The following AKAP13 variants were observed in gnomAD, a reference collection of about 807,000 sequenced individuals.
AKAP13 encodes the protein A-kinase anchor protein 13.
AKAP13 carries 80 observed loss-of-function variants against 264.5 expected under a neutral mutation model. The ratio of observed to expected loss-of-function variants is 0.30; its 90% CI spans 0.25 to 0.36. AKAP13 has a LOEUF of 0.36. Among genes scored for constraint, AKAP13 ranks in the 10% least tolerant of loss-of-function variants. AKAP13 has a pLI of 1.00. For missense variants in AKAP13, 3,712 were observed against 3,435.2 expected, an observed-to-expected ratio of 1.08 and a Z score of -2.01; for synonymous variants, 1,380 against 1,250.2, an observed-to-expected ratio of 1.10 and a Z score of -2.19.
At chr15:85,555,381 G>A (rs1051664346) in intron 5 of AKAP13, 10 of 1,253,326 alleles carry the variant, frequency 8.0e-6, no homozygotes, top group East Asian at 5.6e-5. Context: ...AGCGAAACAC[G>A]CCTTTAGGAG....
chr15:85,593,529 G>A (rs1283413869), intron 8 of AKAP13, among the ~76,000 whole-genome samples: 2 of 120,808 alleles, frequency 1.7e-5, no homozygotes, highest in East Asian at 4.1e-4. Flanking sequence ...CACCATGTGG[G>A]AATTTTTTTT....
chr15:85,600,711 C>T (rs2080022288), intron 8 of AKAP13, among the ~76,000 whole-genome samples: 1 of 152,184 alleles, frequency 6.6e-6, no homozygotes, highest in South Asian at 2.1e-4. Flanking sequence ...ATATATTCCC[C>T]TACCCAGCCC....
chr15:85,547,890 C>T (rs996757991), intron 5 of AKAP13, among the ~76,000 whole-genome samples: 4 of 152,160 alleles, frequency 2.6e-5, no homozygotes, highest in Non-Finnish European at 5.9e-5. Flanking sequence ...TTTAGTTGGA[C>T]AATCATCTCC....
intron 1 of AKAP13, among the ~76,000 whole-genome samples, chr15:85,448,694 C>T (rs953298737): frequency 1.3e-5 from 2 of 152,028 alleles, no homozygotes; most frequent in African/African-American, 4.8e-5. Context: ...GACCTTATTT[C>T]TGGGCTCTCT....
chr15:85,686,562 A>G (rs1366012131), intron 16 of AKAP13, among the ~76,000 whole-genome samples: 1 of 152,082 alleles, frequency 6.6e-6, no homozygotes, highest in Non-Finnish European at 1.5e-5. Flanking sequence ...TATTTCTAGC[A>G]TAATCACACA....
chr15:85,509,337 A>G (rs2076342088), intron 2 of AKAP13, among the ~76,000 whole-genome samples: 1 of 152,190 alleles, frequency 6.6e-6, no homozygotes, highest in East Asian at 1.9e-4. Context: ...GCTAAATAAT[A>G]TTAAAGATTT....
At chr15:85,534,805 A>G (rs1038827323) in intron 4 of AKAP13, 11 of 152,156 alleles carry the variant, frequency 7.2e-5, no homozygotes, top group African/African-American at 2.7e-4. Flanking sequence ...TTTCCCACAT[A>G]ATTCTAGTAG....
intron 1 of AKAP13, among the ~76,000 whole-genome samples, chr15:85,458,179 T>A (rs1051246359): frequency 6.6e-6 from 1 of 151,760 alleles, no homozygotes; most frequent in African/African-American, 2.4e-5. Context: ...CTTTTAATTA[T>A]CCCTTAAAAA....
intron 5 of AKAP13, among the ~76,000 whole-genome samples, chr15:85,563,435 C>T (rs1475025756): frequency 1.4e-5 from 2 of 142,190 alleles, no homozygotes; most frequent in East Asian, 4.3e-4. Context: ...TTCTGTTGAT[C>T]AATGTAGCAG....
At chr15:85,651,209 C>T (rs1243283183) in intron 10 of AKAP13, among the ~76,000 whole-genome samples, 1 of 152,148 alleles carries the variant, frequency 6.6e-6, no homozygotes, top group Non-Finnish European at 1.5e-5. Context: ...TTTTTCCCAA[C>T]ATTTTATTAA....
At chr15:85,572,036 A>G (rs994407823) in intron 5 of AKAP13, among the ~76,000 whole-genome samples, 2 of 152,214 alleles carry the variant, frequency 1.3e-5, no homozygotes, top group African/African-American at 2.4e-5. Flanking sequence ...GGTTAGAGAA[A>G]GGGATTTCCC....
chr15:85,489,881 C>T (rs2075675334), intron 2 of AKAP13, among the ~76,000 whole-genome samples: 1 of 152,154 alleles, frequency 6.6e-6, no homozygotes, highest in Non-Finnish European at 1.5e-5. Flanking sequence ...AAATGTTCAC[C>T]ATAAAATGTG....
chr15:85,503,793 TA>T (rs1466974538), intron 2 of AKAP13, among the ~76,000 whole-genome samples: 2 of 152,172 alleles, frequency 1.3e-5, no homozygotes, highest in Non-Finnish European at 2.9e-5. Flanking sequence ...GTGTGACAGA[TA>T]AAGGGAGCAG....
intron 1 of AKAP13, among the ~76,000 whole-genome samples, chr15:85,453,051 G>C (rs1013258992): frequency 6.6e-6 from 1 of 152,218 alleles, no homozygotes. Context: ...TCCCTGTCTG[G>C]TGATGAGCCG....
At chr15:85,555,643 C>T (rs2078116582) in intron 5 of AKAP13, among the ~76,000 whole-genome samples, 2 of 152,188 alleles carry the variant, frequency 1.3e-5, no homozygotes, top group Non-Finnish European at 2.9e-5. Flanking sequence ...TTCTTCTCTG[C>T]AGTTAAGTTA....
At chr15:85,601,608 T>TTG (rs10574160) in intron 8 of AKAP13, among the ~76,000 whole-genome samples, 9,728 of 131,972 alleles carry the variant, frequency 0.074, 356 homozygotes, top group African/African-American at 0.095. Flanking sequence ...CCTGAATTCT[T>TTG]TGTGTGTGTG....
At chr15:85,589,435 T>C (rs1394705935) in intron 8 of AKAP13, among the ~76,000 whole-genome samples, 2 of 151,990 alleles carry the variant, frequency 1.3e-5, no homozygotes, top group African/African-American at 4.8e-5. Context: ...ATTATTGTTT[T>C]GAATTATGTT....
At chr15:85,474,383 ATAAT>A (rs540358651) in intron 1 of AKAP13, among the ~76,000 whole-genome samples, 1,639 of 152,332 alleles carry the variant, frequency 0.011, 35 homozygotes, top group African/African-American at 0.038. Flanking sequence ...ATCAGTGTTG[ATAAT>A]TAATTTTCAT....
chr15:85,581,959 A>T lies in AKAP13; in HGVS notation c.3891A>T (p.Thr1297=), dbSNP rs748586160. ...PLTKGLESAF[T]EKVSTFPPGE... ...CTAAAGGACTAGAGAGTGCTTTTAC[A>T]GAAAAAGTGAGTACTTTCCCACCTG... Residue 1297 remains threonine, a synonymous_variant, in exon 7 of 37, where the codon ACA becomes ACT. Transcript: ENST00000394518. 1 of 1,614,216 alleles carries T rather than the reference A, an allele frequency of 6.2e-7. No homozygotes were observed. Among genetic ancestry groups the T allele is most frequent in the Admixed American group, 1.7e-5 (1 of 60,030 alleles).
Sources: allele counts gnomAD v4.1 joint callset (sites outside exome capture counted in the v4.1 genomes callset), GRCh38; gene constraint gnomAD v4.1.1; transcripts MANE v1.5; gene names NCBI Gene and HGNC (gene_info 2026-07-23, HGNC 2026-07-21).